The following DCAF8L2 variants were observed in gnomAD, a reference collection of about 807,000 sequenced individuals.
DCAF8L2 encodes DDB1- and CUL4-associated factor 8-like protein 2.
For synonymous variants in DCAF8L2, 200 were observed against 190.9 expected (o/e 1.05, Z -0.39); for missense variants, 430 against 490.7 (o/e 0.88, Z 1.17).
chrX:27,558,382 CTT>C, the DCAF8L2 span, among the ~76,000 whole-genome samples: 1 of 111,127 alleles, frequency 9.0e-6, no homozygotes, highest in East Asian at 2.8e-4. Context: ...ATTGTGCCCT[CTT>C]TTGGGAAAAA....
chrX:27,565,805 G>A, the DCAF8L2 span, among the ~76,000 whole-genome samples: 2 of 110,590 alleles, frequency 1.8e-5, no homozygotes, highest in Non-Finnish European at 3.8e-5. Context: ...GAGGGGGCCT[G>A]AGAGAGATGC....
At chrX:27,702,684 A>C (rs767202853) in intron 3 of DCAF8L2, among the ~76,000 whole-genome samples, 2 of 111,279 alleles carry the variant, frequency 1.8e-5, no homozygotes, top group African/African-American at 6.5e-5. Context: ...TTAACAAGCT[A>C]GTAATAAAAG....
At chrX:27,706,648 G>T (rs1197907240) in intron 3 of DCAF8L2, among the ~76,000 whole-genome samples, 2 of 111,802 alleles carry the variant, frequency 1.8e-5, no homozygotes, top group African/African-American at 6.5e-5. Context: ...TGGCAAGGAC[G>T]TGGAGAAATT....
chrX:27,566,950 T>C, the DCAF8L2 span, among the ~76,000 whole-genome samples: 1 of 111,576 alleles, frequency 9.0e-6, no homozygotes. Context: ...AAGGTACTTT[T>C]CAAATTCCGT....
intron 4 of DCAF8L2, among the ~76,000 whole-genome samples, chrX:27,720,596 A>C (rs1235662723): frequency 1.8e-5 from 2 of 110,375 alleles, no homozygotes; most frequent in Non-Finnish European, 3.8e-5. Context: ...GATGGTCTCG[A>C]TCTCCTGACC....
At chrX:27,472,140 C>T in the DCAF8L2 span, among the ~76,000 whole-genome samples, 1 of 111,513 alleles carries the variant, frequency 9.0e-6, no homozygotes, top group South Asian at 3.8e-4. Flanking sequence ...AGACACATCA[C>T]CATTCTCTTT....
chrX:27,540,461 AG>A, the DCAF8L2 span, among the ~76,000 whole-genome samples: 52 of 111,495 alleles, frequency 4.7e-4, no homozygotes, highest in South Asian at 0.02. Flanking sequence ...AAGTGAAATA[AG>A]GCATGCACAG....
rs374461602 is a variant in DCAF8L2 at position 27,722,969 on chromosome X, A to G, written c.-59+6798A>G. 3.1e-4 allele frequency among the ~76,000 whole-genome samples: 35 copies of G among 111,246 alleles called. 2 individuals are homozygous for G. The highest frequency in any genetic ancestry group is 2.1e-3 in the Admixed American group (22 of 10,386). ...AATTAGTATTCAAAAATCAATAGAC[A>G]TCTGCACAAACAAAATCCATTAAAA... On this transcript the variant is annotated intron_variant, in intron 4 of 4. Coordinates refer to ENST00000451261, the MANE Select transcript of DCAF8L2 (RefSeq NM_001353450.2).
chrX:27,648,353 GAA>G (rs942740589), intron 2 of DCAF8L2, among the ~76,000 whole-genome samples: 1 of 109,275 alleles, frequency 9.2e-6, no homozygotes, highest in Non-Finnish European at 1.9e-5. Context: ...ATGGGAAAAA[GAA>G]AATGAAAAAA....
At chrX:27,609,976 C>A (rs1358119232) in intron 1 of DCAF8L2, among the ~76,000 whole-genome samples, 2 of 111,780 alleles carry the variant, frequency 1.8e-5, no homozygotes, top group African/African-American at 6.5e-5. Context: ...CACTCTGTTA[C>A]AATAAATCAC....
At chrX:27,696,264 GAGAGAGAAAGAAAGAAAGAAAGAA>G (rs1429203132) in intron 3 of DCAF8L2, among the ~76,000 whole-genome samples, 2 of 75,641 alleles carry the variant, frequency 2.6e-5, no homozygotes, top group Admixed American at 3.5e-4. Context: ...AAGGAAGAGA[GAGAGAGAAAGAAAGAAAGAAAGAA>G]AGAAAGAAAG....
the DCAF8L2 span, among the ~76,000 whole-genome samples, chrX:27,525,519 C>A: frequency 1.8e-5 from 2 of 111,585 alleles, no homozygotes; most frequent in Non-Finnish European, 3.8e-5. Context: ...GAGCATTTAG[C>A]CCATTTACAT....
intron 4 of DCAF8L2, among the ~76,000 whole-genome samples, chrX:27,719,765 A>T (rs2147295457): frequency 8.9e-6 from 1 of 111,864 alleles, no homozygotes; most frequent in African/African-American, 3.2e-5. Flanking sequence ...TTTTCTTGAT[A>T]GTGAATTAAA....
chrX:27,478,558 C>G, the DCAF8L2 span, among the ~76,000 whole-genome samples: 1 of 111,992 alleles, frequency 8.9e-6, no homozygotes, highest in Admixed American at 9.5e-5. Flanking sequence ...ATTGTATTAT[C>G]ACTCCCAGGG....
rs138121627 is a variant in DCAF8L2, at chrX:27,624,334, G to A, written c.-341-7545G>A. On this transcript the variant is annotated intron_variant, in intron 1 of 4. Coordinates refer to ENST00000451261, the MANE Select transcript of DCAF8L2 (RefSeq NM_001353450.2). ...GGAGATAGCCCAGAGGTTATCAAATGCAAGAAGTTGCTTCCATTACTAGGG... is the reference window on the plus strand; with the variant it reads ...GGAGATAGCCCAGAGGTTATCAAATACAAGAAGTTGCTTCCATTACTAGGG... 6.9e-4 allele frequency among the ~76,000 whole-genome samples: 77 copies of A among 110,934 alleles called. 1 individual carries two copies. In the East Asian group the frequency reaches 0.018, roughly 26 times the overall value.
the DCAF8L2 span, among the ~76,000 whole-genome samples, chrX:27,482,145 A>G: frequency 3.6e-5 from 4 of 111,720 alleles, no homozygotes; most frequent in African/African-American, 9.7e-5. Context: ...AAATCGAGTT[A>G]TGCCTTTCTA....
In DCAF8L2 at chrX:27,698,966, C is replaced by T. The variant is rs1391825514; in HGVS notation, c.-142-17122C>T. Among the ~76,000 whole-genome samples the T allele has an allele frequency of 2.7e-5, 3 of 111,668 alleles. No individual in the cohort carries two copies. In the East Asian group the frequency reaches 8.4e-4, roughly 31 times the overall value. On this transcript the variant is annotated intron_variant, in intron 3 of 4. Coordinates refer to ENST00000451261, the MANE Select transcript of DCAF8L2 (RefSeq NM_001353450.2). ...TATCTATCAAAAGGGTTTTCATTGTCCAAATATTTGTTGAGGAGTTATGGA... is the reference window on the plus strand; with the variant it reads ...TATCTATCAAAAGGGTTTTCATTGTTCAAATATTTGTTGAGGAGTTATGGA...
chrX:27,627,936 AAAAC>A (rs1928111367), intron 1 of DCAF8L2, among the ~76,000 whole-genome samples: 1 of 108,436 alleles, frequency 9.2e-6, no homozygotes, highest in Admixed American at 9.8e-5. Context: ...AAAAAAAAAA[AAAAC>A]AATGAATACA....
intron 1 of DCAF8L2, among the ~76,000 whole-genome samples, chrX:27,591,239 G>A (rs903065193): frequency 5.5e-5 from 6 of 109,562 alleles, no homozygotes; most frequent in African/African-American, 2.0e-4. Context: ...ATAACATTTG[G>A]GTGGGGTAAT....
Sources: gnomAD v4.1 joint callset for allele counts (sites outside exome capture counted in the v4.1 genomes callset) on GRCh38, gnomAD v4.1.1 for gene constraint, MANE v1.5 for transcripts, NCBI Gene and HGNC (gene_info 2026-07-23, HGNC 2026-07-21) for gene names.